Variants in BEND4 observed in about 807,000 individuals in gnomAD.
The protein encoded by BEND4 is BEN domain containing 4, also known as BEN domain-containing protein 4.
A neutral mutation model predicts 54.7 loss-of-function variants in BEND4; 27 were observed. That is an observed-to-expected ratio of 0.49 (90% CI 0.36 to 0.68). BEND4 has a LOEUF of 0.68. BEND4 is among the 30% of genes least tolerant of loss of function. The pLI is 0.00. For missense variants in BEND4, 702 were observed against 697.2 expected (o/e 1.01, Z -0.08); for synonymous variants, 327 against 299.5 (o/e 1.09, Z -0.95).
chr4:42,123,835 G>C (rs920450398), intron 4 of BEND4, among the ~76,000 whole-genome samples: 1 of 152,092 alleles, frequency 6.6e-6, no homozygotes, highest in African/African-American at 2.4e-5. Flanking sequence ...GACGTAGGAA[G>C]TAAGGGGGTC....
At chr4:42,128,414 GA>G (rs1720370495) in intron 3 of BEND4, among the ~76,000 whole-genome samples, 2 of 152,118 alleles carry the variant, frequency 1.3e-5, no homozygotes. Flanking sequence ...ACGAGGTCAG[GA>G]GATCAAGACC....
At position 42,143,574 on chromosome 4, in the gene BEND4, C is replaced by T. The variant is rs1220929815; in HGVS notation, c.908G>A (p.Gly303Asp). The change falls in exon 3 of 6, where the codon GGC (glycine) becomes GAC (aspartate). Residue 303 changes from glycine to aspartate, a missense_variant. Coordinates refer to ENST00000502486, the MANE Select transcript of BEND4 (RefSeq NM_207406.4). ...WTSPATSESH[G>D]HPSSSTLPEE... The stretch of plus-strand genomic sequence containing the variant: ...TGGCAGTGTAGATGAAGATGGGTGG[C>T]CATGGGATTCGGACGTTGCTGGGGA... The T allele has an allele frequency of 3.2e-6, 5 of 1,571,774 alleles. No individual in the cohort carries two copies. Among genetic ancestry groups the T allele is most frequent in the Middle Eastern group, 3.3e-4 (2 of 6,024 alleles).
chr4:42,117,706 G>C lies in BEND4; in HGVS notation c.1417C>G (p.Pro473Ala), dbSNP rs1456965170. 6.2e-7 allele frequency: 1 copy of C among 1,607,748 alleles called. No individual in the cohort carries two copies. The highest frequency in any genetic ancestry group is 8.5e-7 in the Non-Finnish European group (1 of 1,176,962). The change falls in exon 6 of 6, where the codon CCC becomes GCC. Residue 473 changes from proline to alanine, a missense_variant. Transcript: ENST00000502486. ...EFIRMHCTSN[P>A]DWWMPSEEQI... ...TCTTCCGAGGGCATCCACCAATCGGGGTTGGAGGTACAATGCATCCTAATG... is the reference window on the plus strand; with the variant it reads ...TCTTCCGAGGGCATCCACCAATCGGCGTTGGAGGTACAATGCATCCTAATG...
chr4:42,152,245 G>C lies in BEND4; in HGVS notation c.-102C>G, dbSNP rs1459240532. ...CTGCCCGCCGGGTCTGCCCTGGTGCGCGCGTGTGGGAGGGTGTGTGTCTGT... is the reference window on the plus strand; with the variant it reads ...CTGCCCGCCGGGTCTGCCCTGGTGCCCGCGTGTGGGAGGGTGTGTGTCTGT... On this transcript the variant is annotated 5_prime_UTR_variant, in exon 2 of 6. Transcript: ENST00000502486. The C allele has an allele frequency of 1.8e-6, 2 of 1,139,482 alleles. No homozygotes were observed. Among genetic ancestry groups the C allele is most frequent in the Non-Finnish European group, 2.2e-6 (2 of 906,266 alleles). The allele number at this position is 1,139,482 out of a possible 1,614,324, so 70.6% of individuals were successfully genotyped here.
At position 42,112,086 on chromosome 4, in the gene BEND4, T is replaced by A. The variant is rs1433916215; in HGVS notation, c.*5432A>T. 1 of 152,172 alleles carries A rather than the reference T, an allele frequency of 6.6e-6. No homozygotes were observed. The highest frequency in any genetic ancestry group is 2.4e-5 in the African/African-American group (1 of 41,434). The allele number at this position is 152,172 out of a possible 1,614,324, so 9.4% of individuals were successfully genotyped here. ...AAATATCAACTCTCCCTTGATGGCA[T>A]AAATAAAACAACAAATCCATTCCAA... On this transcript the variant is annotated 3_prime_UTR_variant, in exon 6 of 6. Transcript: ENST00000502486.
Position 42,113,907 on chromosome 4 carries a change from G to A in BEND4, c.*3611C>T, listed in dbSNP as rs1293051220. Reference sequence around the variant, plus strand: ...CCTTACATTCCTAGTGAAGCTTAATGAAACATAAATGGTAACGGTCACCTA... The same window carrying A: ...CCTTACATTCCTAGTGAAGCTTAATAAAACATAAATGGTAACGGTCACCTA... On this transcript the variant is annotated 3_prime_UTR_variant, in exon 6 of 6. Coordinates refer to ENST00000502486, the MANE Select transcript of BEND4 (RefSeq NM_207406.4). 1 of 152,202 alleles carries A rather than the reference G, an allele frequency of 6.6e-6. No individual in the cohort carries two copies. The highest frequency in any genetic ancestry group is 1.5e-5 in the Non-Finnish European group (1 of 68,042). The allele number at this position is 152,202 out of a possible 1,614,324, so 9.4% of individuals were successfully genotyped here. A position where few individuals can be genotyped will look rare whatever the true frequency, so the allele number is the denominator to read the frequency against.
intron 3 of BEND4, among the ~76,000 whole-genome samples, chr4:42,140,700 G>A (rs1174905695): frequency 1.3e-5 from 2 of 152,086 alleles, no homozygotes; most frequent in African/African-American, 4.8e-5. Flanking sequence ...GTTTGCTTAG[G>A]GCACATCAAG....
In BEND4 at chr4:42,117,649, C is replaced by T. The variant is rs751788865; in HGVS notation, c.1474G>A (p.Gly492Ser). The T allele has an allele frequency of 2.5e-6, 4 of 1,611,600 alleles. No homozygotes were observed. Among genetic ancestry groups the T allele is most frequent in the East Asian group, 2.2e-5 (1 of 44,822 alleles). Reference protein sequence around the residue: ...QINKVFSDAVGHARQGRAVGT... With the variant: ...QINKVFSDAVSHARQGRAVGT... ...ACCGCCCGCCCCTGTCGGGCGTGAC[C>T]GACAGCGTCGCTGAACACTTTGTTT... Residue 492 changes from glycine (G) to serine (S), a missense_variant, in exon 6 of 6, where the codon GGT becomes AGT. Coordinates refer to ENST00000502486, the MANE Select transcript of BEND4 (RefSeq NM_207406.4).
chr4:42,117,557 T>A lies in BEND4; in HGVS notation c.1566A>T (p.Glu522Asp), dbSNP rs1291378353. 1 of 1,612,872 alleles carries A rather than the reference T, an allele frequency of 6.2e-7. No homozygotes were observed. The highest frequency in any genetic ancestry group is 2.2e-5 in the East Asian group (1 of 44,878). The change falls in exon 6 of 6, where the codon GAA (glutamate) becomes GAT (aspartate). Residue 522 changes from glutamate to aspartate, a missense_variant. Glu to Asp is a conservative substitution (Grantham distance 45, BLOSUM62 2). Coordinates refer to ENST00000502486, the MANE Select transcript of BEND4 (RefSeq NM_207406.4). ...EGIDHQASQD[E>D]VFNKSSQDGS... The stretch of plus-strand genomic sequence containing the variant: ...CATCCTGGGAACTTTTATTGAAGAC[T>A]TCATCCTGAGAAGCCTGGTGATCGA...
At position 42,151,715 on chromosome 4, in the gene BEND4, C is replaced by A. The variant is rs1011756593; in HGVS notation, c.429G>T (p.Ala143=). The A allele has an allele frequency of 2.7e-6, 4 of 1,503,474 alleles. No individual in the cohort carries two copies. The highest frequency in any genetic ancestry group is 1.2e-5 in the South Asian group (1 of 80,770). The allele number at this position is 1,503,474 out of a possible 1,614,324, so 93.1% of individuals were successfully genotyped here. ...CCGTGCCGCCGGTGCCGGCGGCCGC[C>A]GCCGCGCCTGGGCCATACCTGACGA... is the stretch of plus-strand genomic sequence containing the variant. ...AAVVRYGPGA[A]AAAGTGGTGS... is the part of the protein sequence containing the mutation. Residue 143 remains alanine, a synonymous_variant, in exon 2 of 6, where the codon GCG becomes GCT. Coordinates refer to ENST00000502486, the MANE Select transcript of BEND4 (RefSeq NM_207406.4).
rs1024728826 is a variant in BEND4 at position 42,113,570 on chromosome 4, C to A, written c.*3948G>T. 1 of 152,000 alleles carries A rather than the reference C, an allele frequency of 6.6e-6. No homozygotes were observed. The highest frequency in any genetic ancestry group is 6.6e-5 in the Admixed American group (1 of 15,260). The allele number at this position is 152,000 out of a possible 1,614,324, so 9.4% of individuals were successfully genotyped here. The stretch of plus-strand genomic sequence containing the variant: ...TACAGATTCGAAGTCTGGGTTATTG[C>A]CTAATTTGGGGTAAACATCTGATAC... On this transcript the variant is annotated 3_prime_UTR_variant, in exon 6 of 6. Transcript: ENST00000502486.
Position 42,152,039 on chromosome 4 carries a change from C to T in BEND4, c.105G>A (p.Pro35=), listed in dbSNP as rs1003639336. The change falls in exon 2 of 6, where the codon CCG becomes CCA. Residue 35 remains proline, a synonymous_variant. Coordinates refer to ENST00000502486, the MANE Select transcript of BEND4 (RefSeq NM_207406.4). ...GTCGCTCGTAGCGCTTGGCCAGCGC[C>T]GGTCTCTTGCTGGGGAACGTCTTGA... The part of the protein sequence containing the change: ...SVLKTFPSKR[P]ALAKRYERPT... 4.8e-6 allele frequency: 6 copies of T among 1,251,384 alleles called. No individual in the cohort carries two copies. The highest frequency in any genetic ancestry group is 6.1e-6 in the Non-Finnish European group (6 of 990,972). 77.5% of individuals were successfully genotyped at this position (1,251,384 alleles called of 1,614,324 possible). A position where few individuals can be genotyped will look rare whatever the true frequency, so the allele number is the denominator to read the frequency against.
chr4:42,145,449 C>G (rs1251911752), intron 2 of BEND4, among the ~76,000 whole-genome samples: 1 of 152,104 alleles, frequency 6.6e-6, no homozygotes, highest in African/African-American at 2.4e-5. Flanking sequence ...AATCTCAGCA[C>G]TTTGGGAGGC....
At chr4:42,151,615 C>T in intron 2 of BEND4, 42 bp downstream of exon 2, 1 of 1,435,984 alleles carries the variant, frequency 7.0e-7, no homozygotes. Flanking sequence ...TCCCGCTGCC[C>T]CCGGCCGTGG....
At chr4:42,128,826 C>T (rs1027135744) in intron 3 of BEND4, among the ~76,000 whole-genome samples, 3 of 151,854 alleles carry the variant, frequency 2.0e-5, no homozygotes, top group African/African-American at 7.3e-5. Context: ...GTCCCAGCTA[C>T]TCGGGAGGCT....
chr4:42,132,655 AG>A (rs1442923458), intron 3 of BEND4, among the ~76,000 whole-genome samples: 5 of 151,976 alleles, frequency 3.3e-5, no homozygotes, highest in South Asian at 2.1e-4. Flanking sequence ...CATGTTGACC[AG>A]GGGGGTCTGG....
rs1394294121 is a variant in BEND4, at chr4:42,152,242, T to TGC, written c.-101_-100dup. The TGC allele has an allele frequency of 8.8e-7, 1 of 1,135,792 alleles. No individual in the cohort carries two copies. The highest frequency in any genetic ancestry group is 1.1e-6 in the Non-Finnish European group (1 of 906,250). The allele number at this position is 1,135,792 out of a possible 1,614,324, so 70.4% of individuals were successfully genotyped here. A position where few individuals can be genotyped will look rare whatever the true frequency, so the allele number is the denominator to read the frequency against. On this transcript the variant is annotated 5_prime_UTR_variant, in exon 2 of 6. Coordinates refer to ENST00000502486, the MANE Select transcript of BEND4 (RefSeq NM_207406.4). Reference sequence around the variant, plus strand: ...CGCCTGCCCGCCGGGTCTGCCCTGGTGCGCGCGTGTGGGAGGGTGTGTGTC... The same window carrying TGC: ...CGCCTGCCCGCCGGGTCTGCCCTGGTGCGCGCGCGTGTGGGAGGGTGTGTGTC...
At chr4:42,118,991 C>A (rs184438009) in intron 5 of BEND4, among the ~76,000 whole-genome samples, 1 of 152,164 alleles carries the variant, frequency 6.6e-6, no homozygotes, top group Non-Finnish European at 1.5e-5. Context: ...TGTGTGCATA[C>A]GCCCCTAAGG....
chr4:42,152,218 G>T lies in BEND4; in HGVS notation c.-75C>A. 3 of 1,217,048 alleles carry T rather than the reference G, an allele frequency of 2.5e-6. No homozygotes were observed. Among genetic ancestry groups the T allele is most frequent in the Non-Finnish European group, 3.1e-6 (3 of 971,188 alleles). The allele number at this position is 1,217,048 out of a possible 1,614,324, so 75.4% of individuals were successfully genotyped here. Reference sequence around the variant, plus strand: ...GCCGGGCTCCGAGGGTGCCTCCGCCGCCTGCCCGCCGGGTCTGCCCTGGTG... The same window carrying T: ...GCCGGGCTCCGAGGGTGCCTCCGCCTCCTGCCCGCCGGGTCTGCCCTGGTG... On this transcript the variant is annotated 5_prime_UTR_variant, in exon 2 of 6. Coordinates refer to ENST00000502486, the MANE Select transcript of BEND4 (RefSeq NM_207406.4).
Sources: gnomAD v4.1 joint callset for allele counts (sites outside exome capture counted in the v4.1 genomes callset) on GRCh38, gnomAD v4.1.1 for gene constraint, MANE v1.5 for transcripts, NCBI Gene and HGNC (gene_info 2026-07-23, HGNC 2026-07-21) for gene names.